Variants in MYH16 observed in about 807,000 individuals in gnomAD.
The protein encoded by MYH16 is putative uncharacterized protein MYH16.
At chr7:99,298,522 C>T (rs1264864965) in intron 36 of MYH16, among the ~76,000 whole-genome samples, 1 of 152,148 alleles carries the variant, frequency 6.6e-6, no homozygotes, top group Non-Finnish European at 1.5e-5. Flanking sequence ...CATGAGCCAT[C>T]GTGCCCGGCC....
chr7:99,310,076 A>C (rs1792739454), downstream of MYH16, among the ~76,000 whole-genome samples: 1 of 152,188 alleles, frequency 6.6e-6, no homozygotes, highest in African/African-American at 2.4e-5. Context: ...CATAAATATA[A>C]AATATTTTAA....
chr7:99,291,753 G>A (rs567032793), intron 31 of MYH16, among the ~76,000 whole-genome samples: 9 of 152,188 alleles, frequency 5.9e-5, no homozygotes, highest in African/African-American at 2.2e-4. Context: ...GAGGTCAGGA[G>A]TTCGAGACCA....
intron 2 of MYH16, chr7:99,247,581 TC>T: frequency 5.8e-6 from 1 of 171,820 alleles, no homozygotes; most frequent in Non-Finnish European, 1.3e-5. Context: ...CCATCTTCCC[TC>T]CCTCCCACCA....
chr7:99,271,798 T>C (rs1433740307), intron 19 of MYH16, among the ~76,000 whole-genome samples: 1 of 152,112 alleles, frequency 6.6e-6, no homozygotes, highest in Non-Finnish European at 1.5e-5. Flanking sequence ...CTCTTGGGCT[T>C]GAGTGATACT....
At chr7:99,240,905 C>T (rs565335688) in intron 1 of MYH16, among the ~76,000 whole-genome samples, 5 of 151,458 alleles carry the variant, frequency 3.3e-5, no homozygotes, top group Admixed American at 2.0e-4. Flanking sequence ...TTTTTCTCTG[C>T]GCCTGTCTTC....
intron 15 of MYH16, among the ~76,000 whole-genome samples, chr7:99,264,905 G>C (rs144827261): frequency 3.2e-4 from 48 of 152,332 alleles, no homozygotes; most frequent in Non-Finnish European, 5.9e-4. Context: ...CTTGAGAGCA[G>C]TGCTGCCCAA....
chr7:99,287,974 C>T (rs1283782477), exon 29 of MYH16: 6 of 456,580 alleles, frequency 1.3e-5, no homozygotes, highest in East Asian at 1.4e-4. Context: ...AGCGAGGCGA[C>T]GGCCTCCACA....
intron 20 of MYH16, among the ~76,000 whole-genome samples, chr7:99,274,020 T>C (rs57485019): frequency 0.026 from 4,011 of 152,328 alleles, 174 homozygotes; most frequent in African/African-American, 0.091. Context: ...CCAAAAAAAG[T>C]GAGCTTGATT....
Position 99,279,832 on chromosome 7 carries a change from C to T in MYH16, n.2887+95C>T, listed in dbSNP as rs530580762. 89 of 374,486 alleles carry T rather than the reference C, an allele frequency of 2.4e-4. 1 individual carries two copies. In the East Asian group the frequency reaches 6.4e-3, roughly 27 times the overall value. 23.2% of individuals were successfully genotyped at this position (374,486 alleles called of 1,614,324 possible). ...TGGTGGCTACACCCAGTGCCCTGAC[C>T]ACTGACCACATGGGGCAGTTTTTTG... is the stretch of plus-strand genomic sequence containing the variant. On this transcript the variant is annotated intron_variant and non_coding_transcript_variant, in intron 22 of 41. Transcript: ENST00000439784.
chr7:99,307,553 T>C (rs959346117), downstream of MYH16, among the ~76,000 whole-genome samples: 7 of 151,872 alleles, frequency 4.6e-5, no homozygotes, highest in Non-Finnish European at 8.8e-5. Flanking sequence ...TGAAACCCTG[T>C]CTCTACAAAA....
Position 99,274,669 on chromosome 7 carries a change from C to CTT in MYH16, n.2485+1267_2485+1268dup, listed in dbSNP as rs745470963. On this transcript the variant is annotated intron_variant and non_coding_transcript_variant, in intron 20 of 41. Transcript: ENST00000439784. ...ACTCACCTTTCTTTACATTAATTCA[C>CTT]TTTTTTTTTTTTTTTTTTTTTTGAG... Among the ~76,000 whole-genome samples the CTT allele has an allele frequency of 3.1e-3, 369 of 117,522 alleles. 2 individuals carry two copies. Among genetic ancestry groups the CTT allele is most frequent in the East Asian group, 5.8e-3 (23 of 3,986 alleles). The allele number at this position is 117,522 out of a possible 152,430, so 77.1% of individuals were successfully genotyped here. A position where few individuals can be genotyped will look rare whatever the true frequency, so the allele number is the denominator to read the frequency against.
At chr7:99,277,206 T>C (rs1792126493) in intron 20 of MYH16, among the ~76,000 whole-genome samples, 1 of 152,114 alleles carries the variant, frequency 6.6e-6, no homozygotes, top group Non-Finnish European at 1.5e-5. Context: ...CTGGGGCTCC[T>C]GGTGTCTACA....
intron 2 of MYH16, among the ~76,000 whole-genome samples, chr7:99,244,120 T>C (rs534229144): frequency 8.6e-5 from 13 of 150,928 alleles, no homozygotes; most frequent in African/African-American, 3.2e-4. Context: ...TATCCAAACA[T>C]CCATCCATCC....
At chr7:99,291,617 A>ACCCCCCCC (rs34446113) in intron 31 of MYH16, among the ~76,000 whole-genome samples, 167 bp downstream of exon 12, 58 of 105,982 alleles carry the variant, frequency 5.5e-4, no homozygotes, top group East Asian at 1.2e-3. Flanking sequence ...ACACAGCAAG[A>ACCCCCCCC]CCCCCCCCCA....
At chr7:99,250,880 G>A (rs1289610661) in intron 5 of MYH16, among the ~76,000 whole-genome samples, 3 of 152,152 alleles carry the variant, frequency 2.0e-5, no homozygotes, top group Non-Finnish European at 4.4e-5. Context: ...CCAGTGTCAC[G>A]GAGCCACAGA....
intron 20 of MYH16, among the ~76,000 whole-genome samples, chr7:99,276,563 T>C (rs1792114082): frequency 6.6e-6 from 1 of 152,118 alleles, no homozygotes; most frequent in South Asian, 2.1e-4. Flanking sequence ...CACAGAGAGG[T>C]CCCGATGGGT....
chr7:99,279,581 C>T (rs575328413), exon 22 of MYH16: 4 of 456,616 alleles, frequency 8.8e-6, no homozygotes, highest in African/African-American at 8.0e-5. Context: ...ATCTAGAGAG[C>T]CAGATCTCAG....
chr7:99,294,401 C>T (rs1792441905), intron 33 of MYH16, among the ~76,000 whole-genome samples: 2 of 150,432 alleles, frequency 1.3e-5, no homozygotes, highest in Admixed American at 1.3e-4. Flanking sequence ...GCACAATGGC[C>T]CATGCCTCTA....
exon 16 of MYH16, chr7:99,265,134 C>T (rs1562777420): frequency 6.5e-6 from 1 of 152,690 alleles, no homozygotes; most frequent in African/African-American, 2.4e-5. Flanking sequence ...GACCACCCTC[C>T]ATAGCCGCAC....
Sources: gnomAD v4.1 joint callset for allele counts (sites outside exome capture counted in the v4.1 genomes callset) on GRCh38, gnomAD v4.1.1 for gene constraint, MANE v1.5 for transcripts, NCBI Gene and HGNC (gene_info 2026-07-23, HGNC 2026-07-21) for gene names.